GRK3: variants seen among roughly 807,000 people sequenced by gnomAD.
The protein encoded by GRK3 is G protein-coupled receptor kinase 3.
GRK3 carries 54 observed loss-of-function variants against 95.7 expected under a neutral mutation model. The observed-to-expected ratio is 0.56, with a 90% CI of 0.45 to 0.71. GRK3 has a LOEUF of 0.71. Ranked by LOEUF, GRK3 falls within the 30% of genes least tolerant of loss-of-function variation. GRK3 has a pLI of 0.00. For missense variants in GRK3, 649 were observed against 851.2 expected (o/e 0.76, Z 2.96); for synonymous variants, 281 against 290.8 (o/e 0.97, Z 0.34).
chr22:25,677,320 G>A (rs1302140810), intron 8 of GRK3, among the ~76,000 whole-genome samples: 1 of 140,008 alleles, frequency 7.1e-6, no homozygotes, highest in Non-Finnish European at 1.5e-5. Context: ...AGGCTGTAAT[G>A]AGGTACAATC....
At chr22:25,578,219 C>T (rs1326617422) in intron 1 of GRK3, among the ~76,000 whole-genome samples, 1 of 151,992 alleles carries the variant, frequency 6.6e-6, no homozygotes, top group African/African-American at 2.4e-5. Context: ...ATCACATAGG[C>T]ACCTCATACA....
chr22:25,704,712 AC>A (rs2085286538), intron 15 of GRK3, among the ~76,000 whole-genome samples: 1 of 152,222 alleles, frequency 6.6e-6, no homozygotes, highest in Non-Finnish European at 1.5e-5. Flanking sequence ...CGGCCAGCCC[AC>A]TTTTTAACTT....
intron 1 of GRK3, among the ~76,000 whole-genome samples, chr22:25,603,305 T>C (rs1369710860): frequency 1.3e-5 from 2 of 152,236 alleles, no homozygotes; most frequent in South Asian, 2.1e-4. Context: ...GCTAAATTAT[T>C]GTTCACTCCC....
intron 17 of GRK3, among the ~76,000 whole-genome samples, chr22:25,713,273 A>T (rs1398648772): frequency 6.6e-6 from 1 of 152,128 alleles, no homozygotes; most frequent in African/African-American, 2.4e-5. Context: ...ACACTCACAC[A>T]CGCACCTCCA....
In GRK3 at chr22:25,725,675, G is replaced by T. The variant is rs374651429; in HGVS notation, c.*3225G>T. On this transcript the variant is annotated 3_prime_UTR_variant, in exon 21 of 21. Coordinates refer to ENST00000324198, the MANE Select transcript of GRK3 (RefSeq NM_005160.4). Reference sequence around the variant, plus strand: ...TAAAAAGAAGGGGCTGGCCGGGCACGATGGCTCACGCCTATAATCCCAGCA... The same window carrying T: ...TAAAAAGAAGGGGCTGGCCGGGCACTATGGCTCACGCCTATAATCCCAGCA... 1.0e-5 allele frequency: 4 copies of T among 398,416 alleles called. No individual in the cohort carries two copies. Among genetic ancestry groups the T allele is most frequent in the African/African-American group, 8.2e-5 (4 of 48,606 alleles). The allele number at this position is 398,416 out of a possible 1,614,324, so 24.7% of individuals were successfully genotyped here.
chr22:25,618,022 C>T (rs556361433), intron 2 of GRK3, among the ~76,000 whole-genome samples: 2 of 152,372 alleles, frequency 1.3e-5, no homozygotes, highest in East Asian at 3.9e-4. Flanking sequence ...ATCCACCTGC[C>T]TTGGCCTCCC....
At chr22:25,709,068 C>T (rs951199654) in intron 15 of GRK3, among the ~76,000 whole-genome samples, 3 of 151,248 alleles carry the variant, frequency 2.0e-5, no homozygotes, top group Non-Finnish European at 2.9e-5. Context: ...GATGGAGTCT[C>T]GCTCTGTCGC....
At chr22:25,599,068 A>C (rs576987580) in intron 1 of GRK3, among the ~76,000 whole-genome samples, 1 of 152,352 alleles carries the variant, frequency 6.6e-6, no homozygotes, top group Non-Finnish European at 1.5e-5. Flanking sequence ...CTCCCAGAAT[A>C]ACTCAAAATT....
chr22:25,683,394 T>G (rs2085089636), intron 9 of GRK3, among the ~76,000 whole-genome samples: 1 of 152,178 alleles, frequency 6.6e-6, no homozygotes, highest in Non-Finnish European at 1.5e-5. Context: ...TACCTGGGAG[T>G]GAAATCACTA....
At chr22:25,641,553 A>G (rs990989616) in intron 2 of GRK3, among the ~76,000 whole-genome samples, 2 of 152,180 alleles carry the variant, frequency 1.3e-5, no homozygotes, top group Admixed American at 6.5e-5. Flanking sequence ...TGCTCATCGT[A>G]AGTGCTACAA....
At chr22:25,720,996 G>T (rs7290234) in intron 19 of GRK3, among the ~76,000 whole-genome samples, 28,851 of 152,134 alleles carry the variant, frequency 0.19, 6,548 homozygotes, top group African/African-American at 0.55. Context: ...ACAGCAAGTA[G>T]GCTTGCGATT....
At chr22:25,695,688 CT>C (rs2085202036) in intron 13 of GRK3, among the ~76,000 whole-genome samples, 1 of 151,194 alleles carries the variant, frequency 6.6e-6, no homozygotes, top group Non-Finnish European at 1.5e-5. Flanking sequence ...AGTTCTCTCT[CT>C]GTTGCCTGGC....
intron 9 of GRK3, among the ~76,000 whole-genome samples, chr22:25,683,119 A>C (rs2085087360): frequency 6.6e-6 from 1 of 152,266 alleles, no homozygotes; most frequent in South Asian, 2.1e-4. Context: ...AAGGATTGTA[A>C]AGAAAATAAG....
At chr22:25,717,730 A>G (rs993874106) in intron 18 of GRK3, among the ~76,000 whole-genome samples, 1 of 152,202 alleles carries the variant, frequency 6.6e-6, no homozygotes, top group African/African-American at 2.4e-5. Flanking sequence ...ACATAACCAT[A>G]TATTTGAGGA....
chr22:25,675,492 T>C (rs1279710762), intron 8 of GRK3, among the ~76,000 whole-genome samples: 1 of 152,164 alleles, frequency 6.6e-6, no homozygotes, highest in Non-Finnish European at 1.5e-5. Context: ...TTAAGACATA[T>C]TTCTGAAAGC....
intron 3 of GRK3, among the ~76,000 whole-genome samples, chr22:25,653,845 C>T (rs1169523545): frequency 3.3e-5 from 5 of 152,128 alleles, no homozygotes; most frequent in South Asian, 2.1e-4. Context: ...CCCGCCACCA[C>T]GCTCAGCTAA....
chr22:25,675,541 C>A (rs2085021527), intron 8 of GRK3, among the ~76,000 whole-genome samples: 1 of 152,094 alleles, frequency 6.6e-6, no homozygotes, highest in South Asian at 2.1e-4. Context: ...AGATCCAGAA[C>A]TACAAGTTTG....
chr22:25,685,867 G>GTT (rs146583867), intron 10 of GRK3, among the ~76,000 whole-genome samples: 39 of 136,722 alleles, frequency 2.9e-4, no homozygotes, highest in Non-Finnish European at 3.2e-4. Flanking sequence ...CACATGCCTA[G>GTT]TTTTTTTTTT....
chr22:25,568,014 C>T (rs184665008), intron 1 of GRK3, among the ~76,000 whole-genome samples: 5 of 152,286 alleles, frequency 3.3e-5, no homozygotes, highest in Admixed American at 1.3e-4. Flanking sequence ...CCTGGAAAAG[C>T]TGACTGTTTG....
Sources: allele counts gnomAD v4.1 joint callset (sites outside exome capture counted in the v4.1 genomes callset), GRCh38; gene constraint gnomAD v4.1.1; transcripts MANE v1.5; gene names NCBI Gene and HGNC (gene_info 2026-07-23, HGNC 2026-07-21).